Variants in FBXO34 observed in about 807,000 individuals in gnomAD.
The protein encoded by FBXO34 is F-box protein 34.
A neutral mutation model predicts 24.5 loss-of-function variants in FBXO34; 12 were observed. The ratio of observed to expected loss-of-function variants is 0.49; its 90% confidence interval spans 0.31 to 0.79. The LOEUF (loss-of-function observed/expected upper bound fraction) is 0.79. Ranked by LOEUF, FBXO34 falls within the 30% of genes least tolerant of loss-of-function variation. The pLI is 0.04. For missense variants in FBXO34, 823 were observed against 857.7 expected, an observed-to-expected ratio of 0.96 and a Z score of 0.51; for synonymous variants, 320 against 311.9, an observed-to-expected ratio of 1.03 and a Z score of -0.27.
downstream of FBXO34, among the ~76,000 whole-genome samples, chr14:55,374,221 T>TTTG (rs774773623): frequency 1.3e-5 from 2 of 152,122 alleles, no homozygotes; most frequent in Non-Finnish European, 2.9e-5. Flanking sequence ...TTAATGTTTT[T>TTTG]TTTTAAAGAG....
chr14:55,420,380 GAGTCT>G, the FBXO34 span, among the ~76,000 whole-genome samples: 3 of 152,208 alleles, frequency 2.0e-5, no homozygotes, highest in Non-Finnish European at 4.4e-5. Flanking sequence ...CGGGTGAAAA[GAGTCT>G]AGAGACACAG....
the FBXO34 span, chr14:55,435,721 G>T: frequency 3.0e-6 from 2 of 658,562 alleles, no homozygotes; most frequent in Middle Eastern, 3.9e-4. Flanking sequence ...ACCCTGAGTT[G>T]CCAAAAGCTT....
At chr14:55,401,088 ATTTCT>A in the FBXO34 span, among the ~76,000 whole-genome samples, 1 of 151,948 alleles carries the variant, frequency 6.6e-6, no homozygotes, top group African/African-American at 2.4e-5. Context: ...AACACTGGAC[ATTTCT>A]TTTTATTCTT....
chr14:55,385,220 G>A, the FBXO34 span, among the ~76,000 whole-genome samples: 1 of 152,122 alleles, frequency 6.6e-6, no homozygotes, highest in Non-Finnish European at 1.5e-5. Context: ...AAGATTTTGA[G>A]GTCCAAGAAC....
chr14:55,358,999 T>C (rs770552952), intron 3 of FBXO34, among the ~76,000 whole-genome samples: 1 of 151,668 alleles, frequency 6.6e-6, no homozygotes, highest in Non-Finnish European at 1.5e-5. Context: ...AACAAAGACA[T>C]GGCAGGGAAG....
At chr14:55,382,182 T>A in the FBXO34 span, 4 of 1,614,072 alleles carry the variant, frequency 2.5e-6, no homozygotes, top group African/African-American at 5.3e-5. Context: ...AAGACACATC[T>A]GCGGGGTCTC....
At chr14:55,423,647 AAC>A in the FBXO34 span, among the ~76,000 whole-genome samples, 3 of 152,254 alleles carry the variant, frequency 2.0e-5, no homozygotes, top group African/African-American at 7.2e-5. Context: ...AATATTACAT[AAC>A]ACACATAAAT....
chr14:55,350,742 G>GA lies in FBXO34; in HGVS notation c.358dup (p.Ile120AsnfsTer10), dbSNP rs747474783. On this transcript the variant is annotated frameshift_variant, in exon 2 of 2. Transcript: ENST00000313833. LOFTEE classifies it low-confidence loss of function (END_TRUNC). ...TGTTGTGAAACCTGGAAATACCAAG[G>GA]AAAAAATTGCATTCTTTGCATCCCA... The GA allele has an allele frequency of 1.2e-6, 2 of 1,607,680 alleles. No homozygotes were observed. Among genetic ancestry groups the GA allele is most frequent in the South Asian group, 1.1e-5 (1 of 89,746 alleles).
At chr14:55,335,286 G>A (rs1032204005) in intron 1 of FBXO34, 5 of 152,176 alleles carry the variant, frequency 3.3e-5, no homozygotes, top group Non-Finnish European at 5.9e-5. Context: ...CTGGGGGTAG[G>A]GGGGTTATAA....
the FBXO34 span, chr14:55,414,552 A>G: frequency 1.1e-6 from 1 of 875,948 alleles, no homozygotes; most frequent in South Asian, 1.9e-5. Context: ...ATTACTTTTA[A>G]TATGACATCT....
chr14:55,325,169 G>A (rs541989231), intron 1 of FBXO34, among the ~76,000 whole-genome samples: 18 of 152,282 alleles, frequency 1.2e-4, no homozygotes, highest in African/African-American at 4.1e-4. Flanking sequence ...TTCCCTATAA[G>A]AATTTGTTGA....
chr14:55,385,221 G>A, the FBXO34 span, among the ~76,000 whole-genome samples: 4 of 152,092 alleles, frequency 2.6e-5, no homozygotes, highest in Non-Finnish European at 4.4e-5. Flanking sequence ...AGATTTTGAG[G>A]TCCAAGAACA....
chr14:55,421,072 AAAAAAAG>A, the FBXO34 span, among the ~76,000 whole-genome samples: 2 of 151,588 alleles, frequency 1.3e-5, no homozygotes, highest in Non-Finnish European at 2.9e-5. Flanking sequence ...AAAAAAAAAA[AAAAAAAG>A]AAAAAAGAAA....
At chr14:55,412,991 G>C in the FBXO34 span, among the ~76,000 whole-genome samples, 3 of 152,144 alleles carry the variant, frequency 2.0e-5, no homozygotes, top group Non-Finnish European at 4.4e-5. Flanking sequence ...AAGCTAATTA[G>C]GTCTTGAATC....
downstream of FBXO34, among the ~76,000 whole-genome samples, chr14:55,363,660 C>T (rs1029469268): frequency 4.6e-5 from 7 of 152,140 alleles, no homozygotes; most frequent in Non-Finnish European, 4.4e-5. Context: ...CTTGTTCAAC[C>T]GGTGGCCCAT....
the FBXO34 span, chr14:55,411,816 A>G: frequency 6.3e-7 from 1 of 1,593,234 alleles, no homozygotes; most frequent in Non-Finnish European, 8.5e-7. Flanking sequence ...CCACTGGGAG[A>G]CGCCATGATG....
the FBXO34 span, among the ~76,000 whole-genome samples, chr14:55,377,595 G>A: frequency 6.6e-6 from 1 of 152,006 alleles, no homozygotes; most frequent in African/African-American, 2.4e-5. Flanking sequence ...TGCGCTTCAG[G>A]TATTAAAAAT....
At chr14:55,436,595 T>G in the FBXO34 span, 2 of 1,614,062 alleles carry the variant, frequency 1.2e-6, no homozygotes, top group Non-Finnish European at 8.5e-7. Context: ...CATTCTGAAA[T>G]AGGGGTCATT....
intron 1 of FBXO34, among the ~76,000 whole-genome samples, 181 bp downstream of exon 1, chr14:55,271,718 C>T (rs1881151311): frequency 6.6e-6 from 1 of 150,998 alleles, no homozygotes; most frequent in Non-Finnish European, 1.5e-5. Flanking sequence ...GCCGCCTGCG[C>T]CTCCTCCGGT....
Sources: gnomAD v4.1 joint callset for allele counts (sites outside exome capture counted in the v4.1 genomes callset) on GRCh38, gnomAD v4.1.1 for gene constraint, MANE v1.5 for transcripts, NCBI Gene and HGNC (gene_info 2026-07-23, HGNC 2026-07-21) for gene names.